Variants in SLC49A4 observed in about 807,000 individuals in gnomAD.
SLC49A4 encodes the protein solute carrier family 49 member 4, also known as disrupted in renal cancer protein 2.
In SLC49A4, 36 loss-of-function variants were observed where a neutral mutation model predicts 50.6. The observed-to-expected ratio is 0.71, with a 90% CI of 0.55 to 0.94. SLC49A4 has a LOEUF of 0.94. Ranked by LOEUF, SLC49A4 falls within the 40% of genes least tolerant of loss-of-function variation. The pLI, the probability that SLC49A4 is intolerant of heterozygous loss-of-function variation, is 0.00. For missense variants in SLC49A4, 503 were observed against 605.7 expected, an observed-to-expected ratio of 0.83 and a Z score of 1.78; for synonymous variants, 248 against 241.2, an observed-to-expected ratio of 1.03 and a Z score of -0.26.
intron 4 of SLC49A4, among the ~76,000 whole-genome samples, chr3:122,844,671 C>T (rs1410061835): frequency 3.3e-5 from 5 of 151,706 alleles, no homozygotes; most frequent in Non-Finnish European, 7.4e-5. Flanking sequence ...AATTCCAGCT[C>T]TTTGGGAGGC....
At chr3:122,858,528 G>T (rs1410200985) in intron 6 of SLC49A4, among the ~76,000 whole-genome samples, 3 of 152,142 alleles carry the variant, frequency 2.0e-5, no homozygotes, top group African/African-American at 4.8e-5. Context: ...CTGGGCAAAA[G>T]TGCATTCATT....
intron 4 of SLC49A4, among the ~76,000 whole-genome samples, chr3:122,838,881 A>G (rs1429723871): frequency 1.3e-5 from 2 of 152,156 alleles, no homozygotes; most frequent in African/African-American, 2.4e-5. Flanking sequence ...AGAATTAGAA[A>G]AAAAAATCCT....
At chr3:122,803,250 G>A (rs1224521284) in intron 1 of SLC49A4, among the ~76,000 whole-genome samples, 2 of 152,138 alleles carry the variant, frequency 1.3e-5, no homozygotes, top group Non-Finnish European at 2.9e-5. Flanking sequence ...TGATCTGGAA[G>A]TGGCAGGGAA....
chr3:122,841,311 A>ATGCCGTCTTCTCTTTTGGTCTCT (rs1936766026), intron 4 of SLC49A4, among the ~76,000 whole-genome samples: 1 of 152,228 alleles, frequency 6.6e-6, no homozygotes, highest in Non-Finnish European at 1.5e-5. Flanking sequence ...AGTTTGCAAC[A>ATGCCGTCTTCTCTTTTGGTCTCT]TGCCGTCTTC....
At chr3:122,866,204 G>GTT (rs34457229) in intron 7 of SLC49A4, among the ~76,000 whole-genome samples, 77 of 123,508 alleles carry the variant, frequency 6.2e-4, no homozygotes, top group Middle Eastern at 4.2e-3. Context: ...AACTTTCGTT[G>GTT]TTTTTTTTTT....
chr3:122,844,123 C>T (rs2107573175), intron 4 of SLC49A4, among the ~76,000 whole-genome samples: 1 of 152,298 alleles, frequency 6.6e-6, no homozygotes, highest in South Asian at 2.1e-4. Flanking sequence ...ATAGTCTAAG[C>T]TTAATTTGTC....
At chr3:122,875,229 A>AC (rs1392219119) in intron 8 of SLC49A4, among the ~76,000 whole-genome samples, 1 of 152,108 alleles carries the variant, frequency 6.6e-6, no homozygotes, top group Non-Finnish European at 1.5e-5. Context: ...GATAAACTGA[A>AC]CCCCCTTCCA....
intron 4 of SLC49A4, among the ~76,000 whole-genome samples, chr3:122,845,286 G>T (rs543262318): frequency 2.6e-5 from 4 of 152,280 alleles, no homozygotes; most frequent in East Asian, 3.9e-4. Flanking sequence ...TTGCTGCAAA[G>T]GTTGTGATCT....
At chr3:122,808,633 T>C (rs1379487919) in intron 2 of SLC49A4, among the ~76,000 whole-genome samples, 10 of 152,114 alleles carry the variant, frequency 6.6e-5, no homozygotes, top group African/African-American at 2.4e-4. Context: ...CTCAGCTTTT[T>C]CTGAGCTAGG....
chr3:122,809,984 C>T (rs753950283), intron 2 of SLC49A4, among the ~76,000 whole-genome samples: 36 of 152,152 alleles, frequency 2.4e-4, no homozygotes, highest in Non-Finnish European at 4.3e-4. Context: ...GTATTTTCAA[C>T]AAATCAGGTG....
chr3:122,833,928 A>G (rs1028136730), intron 4 of SLC49A4, among the ~76,000 whole-genome samples: 3 of 152,196 alleles, frequency 2.0e-5, no homozygotes, highest in African/African-American at 7.2e-5. Context: ...CATTTTCTGT[A>G]CGAGCAGTAG....
At chr3:122,797,415 A>G (rs183106890) in intron 1 of SLC49A4, among the ~76,000 whole-genome samples, 2 of 152,372 alleles carry the variant, frequency 1.3e-5, no homozygotes. Context: ...GTGAAGATCA[A>G]GTCAAAGAGG....
At chr3:122,822,410 C>T (rs1463932651) in intron 2 of SLC49A4, among the ~76,000 whole-genome samples, 3 of 152,162 alleles carry the variant, frequency 2.0e-5, no homozygotes, top group East Asian at 1.9e-4. Context: ...CAGTTCACTT[C>T]GCTAAGCTTA....
chr3:122,831,878 C>G (rs1936612909), intron 3 of SLC49A4, among the ~76,000 whole-genome samples: 1 of 151,370 alleles, frequency 6.6e-6, no homozygotes, highest in South Asian at 2.1e-4. Context: ...TTCAGTATTA[C>G]TAATAATTAA....
chr3:122,876,366 G>C (rs1450160356), intron 8 of SLC49A4, among the ~76,000 whole-genome samples: 1 of 152,220 alleles, frequency 6.6e-6, no homozygotes, highest in Admixed American at 6.5e-5. Flanking sequence ...ATGAATGTGA[G>C]GCTGTGTTGT....
chr3:122,832,527 T>G (rs1253933510), intron 3 of SLC49A4, among the ~76,000 whole-genome samples: 1 of 152,224 alleles, frequency 6.6e-6, no homozygotes, highest in East Asian at 1.9e-4. Flanking sequence ...AGTCTGTAAA[T>G]TGGGTCTGTC....
At chr3:122,829,729 G>A (rs553322972) in intron 3 of SLC49A4, among the ~76,000 whole-genome samples, 1 of 152,310 alleles carries the variant, frequency 6.6e-6, no homozygotes, top group South Asian at 2.1e-4. Flanking sequence ...TCCAGCCTGG[G>A]TGACAAACAA....
chr3:122,852,436 T>C, intron 5 of SLC49A4, among the ~76,000 whole-genome samples: 1 of 152,366 alleles, frequency 6.6e-6, no homozygotes, highest in East Asian at 1.9e-4. Flanking sequence ...ATATGTTTGA[T>C]ATTTGGTAAT....
chr3:122,836,595 G>A (rs1047944055), intron 4 of SLC49A4, among the ~76,000 whole-genome samples: 1 of 152,056 alleles, frequency 6.6e-6, no homozygotes, highest in African/African-American at 2.4e-5. Flanking sequence ...TGAACCTCTG[G>A]TAGAATTCGG....
Sources: gnomAD v4.1 joint callset for allele counts (sites outside exome capture counted in the v4.1 genomes callset) on GRCh38, gnomAD v4.1.1 for gene constraint, MANE v1.5 for transcripts, NCBI Gene and HGNC (gene_info 2026-07-23, HGNC 2026-07-21) for gene names.